Variants in RTL4 observed in about 807,000 individuals in gnomAD.
RTL4 encodes the protein retrotransposon Gag like 4.
Under a neutral mutation model 5.3 loss-of-function variants are expected in RTL4, and 4 were observed. The observed-to-expected ratio is 0.75, with a 90% confidence interval of 0.37 to 1.72. RTL4 has a LOEUF of 1.72. Among genes scored for constraint, RTL4 ranks in the 40% most tolerant of loss-of-function variants. The pLI, the probability that RTL4 is intolerant of heterozygous loss-of-function variation, is 0.04. For synonymous variants in RTL4, 98 were observed against 87.3 expected (o/e 1.12, Z -0.68); for missense variants, 260 against 227.1 (o/e 1.14, Z -0.93).
the RTL4 span, among the ~76,000 whole-genome samples, chrX:112,291,785 C>T: frequency 8.1e-5 from 9 of 110,507 alleles, no homozygotes; most frequent in African/African-American, 1.7e-4. Flanking sequence ...TTAGTAGAGA[C>T]GGGGTTTCAC....
chrX:112,352,897 C>T, the RTL4 span, among the ~76,000 whole-genome samples: 4 of 111,248 alleles, frequency 3.6e-5, no homozygotes, highest in Non-Finnish European at 5.7e-5. Context: ...ATCAGGGAAC[C>T]TACAAAATGG....
the RTL4 span, among the ~76,000 whole-genome samples, chrX:112,198,117 A>G: frequency 9.0e-6 from 1 of 111,721 alleles, no homozygotes. Flanking sequence ...CACTAAAGAA[A>G]TCTGAGGTTG....
the RTL4 span, among the ~76,000 whole-genome samples, chrX:112,231,943 A>G: frequency 8.9e-6 from 1 of 111,895 alleles, no homozygotes; most frequent in South Asian, 3.8e-4. Context: ...CTTAATTGCT[A>G]TGTTCCACTG....
the RTL4 span, among the ~76,000 whole-genome samples, chrX:112,180,393 A>G: frequency 1.8e-5 from 2 of 111,971 alleles, no homozygotes; most frequent in African/African-American, 6.5e-5. Flanking sequence ...AAAAGGAGCA[A>G]CTAGAACTGA....
chrX:112,208,552 A>G, the RTL4 span, among the ~76,000 whole-genome samples: 1 of 112,237 alleles, frequency 8.9e-6, no homozygotes, highest in East Asian at 2.8e-4. Flanking sequence ...AGACTGAAAA[A>G]GTCAATATAG....
chrX:112,309,315 G>A, the RTL4 span, among the ~76,000 whole-genome samples: 1 of 110,353 alleles, frequency 9.1e-6, no homozygotes, highest in Non-Finnish European at 1.9e-5. Flanking sequence ...TCTCTTCTAA[G>A]GGCACTAATC....
chrX:112,350,593 G>C, the RTL4 span, among the ~76,000 whole-genome samples: 1 of 111,432 alleles, frequency 9.0e-6, no homozygotes, highest in East Asian at 2.8e-4. Flanking sequence ...ATTTAGTCTT[G>C]GGAGGGTGTA....
chrX:112,342,042 C>T, the RTL4 span, among the ~76,000 whole-genome samples: 1 of 111,127 alleles, frequency 9.0e-6, no homozygotes, highest in African/African-American at 3.3e-5. Context: ...AAGAACACAT[C>T]TCTAAAGGGA....
At chrX:112,098,815 A>T in the RTL4 span, among the ~76,000 whole-genome samples, 4 of 112,095 alleles carry the variant, frequency 3.6e-5, no homozygotes, top group African/African-American at 6.5e-5. Context: ...TGGTGCTGGG[A>T]AAACTGGCTA....
chrX:112,454,639 T>C (rs1383258417), exon 1 of RTL4: 3 of 891,902 alleles, frequency 3.4e-6, no homozygotes, highest in African/African-American at 4.0e-5. Context: ...TGACACTCCG[T>C]CTCTGATCAC....
At chrX:112,219,469 A>G in the RTL4 span, among the ~76,000 whole-genome samples, 6 of 112,403 alleles carry the variant, frequency 5.3e-5, no homozygotes, top group South Asian at 2.2e-3. Flanking sequence ...TAATAATTTT[A>G]GCACAAACAA....
At chrX:112,170,113 T>C in the RTL4 span, among the ~76,000 whole-genome samples, 1 of 112,025 alleles carries the variant, frequency 8.9e-6, no homozygotes, top group Non-Finnish European at 1.9e-5. Flanking sequence ...ATTCCATTGG[T>C]CTTTGTGTCT....
the RTL4 span, among the ~76,000 whole-genome samples, chrX:112,091,145 T>C: frequency 2.0e-4 from 22 of 111,662 alleles, no homozygotes; most frequent in South Asian, 7.4e-4. Flanking sequence ...TTCCTTCTTT[T>C]TCTGTCAGTC....
At chrX:112,310,638 TTA>T in the RTL4 span, among the ~76,000 whole-genome samples, 4 of 62,846 alleles carry the variant, frequency 6.4e-5, no homozygotes, top group South Asian at 9.7e-4. Context: ...TGTTTATATA[TTA>T]TATATATTTA....
chrX:112,185,654 C>A, the RTL4 span, among the ~76,000 whole-genome samples: 85 of 106,823 alleles, frequency 8.0e-4, 1 homozygote, highest in Non-Finnish European at 1.3e-3. Context: ...CACACGCACA[C>A]ACACACACTC....
At chrX:112,388,026 A>G in the RTL4 span, among the ~76,000 whole-genome samples, 1 of 112,273 alleles carries the variant, frequency 8.9e-6, no homozygotes, top group Non-Finnish European at 1.9e-5. Flanking sequence ...GGCCATTTTA[A>G]TAATATTGAT....
At chrX:112,305,616 G>A in the RTL4 span, among the ~76,000 whole-genome samples, 2 of 111,084 alleles carry the variant, frequency 1.8e-5, no homozygotes, top group African/African-American at 3.3e-5. Context: ...TGCCCGTCTC[G>A]GCCTCTCAAA....
the RTL4 span, among the ~76,000 whole-genome samples, chrX:112,400,717 A>G: frequency 1.1e-3 from 119 of 112,141 alleles, no homozygotes; most frequent in African/African-American, 3.6e-3. Context: ...GGCTTGCTTT[A>G]AAGATTTAAT....
At chrX:112,186,639 C>A in the RTL4 span, among the ~76,000 whole-genome samples, 1 of 111,748 alleles carries the variant, frequency 8.9e-6, no homozygotes, top group African/African-American at 3.3e-5. Flanking sequence ...TGTATAAGAT[C>A]TAGTCTCTGG....
Sources: allele counts gnomAD v4.1 joint callset (sites outside exome capture counted in the v4.1 genomes callset), GRCh38; gene constraint gnomAD v4.1.1; transcripts MANE v1.5; gene names NCBI Gene and HGNC (gene_info 2026-07-23, HGNC 2026-07-21).